The following NDST4 variants were observed in gnomAD, a reference collection of about 807,000 sequenced individuals.
The protein encoded by NDST4 is N-deacetylase and N-sulfotransferase 4.
Under a neutral mutation model 100.8 loss-of-function variants are expected in NDST4, and 63 were observed. The observed-to-expected ratio is 0.62, with a 90% CI of 0.51 to 0.77. NDST4 has a LOEUF of 0.77. NDST4 is among the 30% of genes least tolerant of loss of function. NDST4 has a pLI of 0.00. For synonymous variants in NDST4, 377 were observed against 361.8 expected (o/e 1.04, Z -0.48); for missense variants, 943 against 1,018.4 (o/e 0.93, Z 1.01).
At chr4:114,914,121 C>T (rs546536964) in intron 6 of NDST4, among the ~76,000 whole-genome samples, 8 of 151,758 alleles carry the variant, frequency 5.3e-5, no homozygotes, top group Non-Finnish European at 1.0e-4. Flanking sequence ...CTTGTGGGGC[C>T]TAAAAATCTA....
intron 1 of NDST4, among the ~76,000 whole-genome samples, chr4:115,107,125 C>G (rs1324263074): frequency 6.6e-6 from 1 of 151,930 alleles, no homozygotes; most frequent in Non-Finnish European, 1.5e-5. Context: ...TCCACTGCCT[C>G]CACCCTGGGT....
At chr4:115,033,157 ATTTT>A (rs1192796806) in intron 2 of NDST4, among the ~76,000 whole-genome samples, 10 of 59,948 alleles carry the variant, frequency 1.7e-4, no homozygotes, top group African/African-American at 5.8e-4. Flanking sequence ...ATATATATAT[ATTTT>A]TTTTTTTTTT....
intron 2 of NDST4, among the ~76,000 whole-genome samples, chr4:114,984,993 A>G (rs1044615914): frequency 1.3e-5 from 2 of 152,212 alleles, no homozygotes; most frequent in African/African-American, 4.8e-5. Context: ...TAATGTATAC[A>G]TTAACAAAAA....
chr4:115,093,215 C>T (rs1729552626), intron 1 of NDST4, among the ~76,000 whole-genome samples: 1 of 152,092 alleles, frequency 6.6e-6, no homozygotes, highest in Non-Finnish European at 1.5e-5. Flanking sequence ...GTGGCTCATG[C>T]CTGTAATCTC....
intron 6 of NDST4, among the ~76,000 whole-genome samples, chr4:114,905,484 A>T (rs1356609822): frequency 6.6e-6 from 1 of 151,942 alleles, no homozygotes; most frequent in South Asian, 2.1e-4. Context: ...AAAAAAATTT[A>T]GTTATAAAAA....
At chr4:114,898,824 G>A (rs904881657) in intron 6 of NDST4, among the ~76,000 whole-genome samples, 1 of 151,596 alleles carries the variant, frequency 6.6e-6, no homozygotes, top group African/African-American at 2.4e-5. Flanking sequence ...AATTCCATTT[G>A]TTTATTGCTG....
At chr4:115,024,023 G>A (rs886605366) in intron 2 of NDST4, among the ~76,000 whole-genome samples, 6 of 152,132 alleles carry the variant, frequency 3.9e-5, no homozygotes, top group African/African-American at 1.2e-4. Context: ...AGTTGGCAGT[G>A]ACCATATGGT....
At chr4:114,957,796 C>A (rs1361937816) in intron 4 of NDST4, among the ~76,000 whole-genome samples, 2 of 152,150 alleles carry the variant, frequency 1.3e-5, no homozygotes, top group African/African-American at 2.4e-5. Context: ...GGACTATGGG[C>A]CCATGAAAGT....
chr4:114,895,065 A>T (rs57662522), intron 6 of NDST4, among the ~76,000 whole-genome samples: 1 of 152,194 alleles, frequency 6.6e-6, no homozygotes, highest in Non-Finnish European at 1.5e-5. Flanking sequence ...CCCTAAATTC[A>T]CAGTTAAAAG....
intron 6 of NDST4, among the ~76,000 whole-genome samples, chr4:114,878,696 G>A (rs1169627790): frequency 2.0e-5 from 3 of 152,004 alleles, no homozygotes; most frequent in African/African-American, 7.2e-5. Context: ...TAGGTTTGTT[G>A]TGATGCCCAA....
chr4:114,995,165 A>G (rs764213847), intron 2 of NDST4, among the ~76,000 whole-genome samples: 2 of 152,066 alleles, frequency 1.3e-5, no homozygotes, highest in Non-Finnish European at 2.9e-5. Flanking sequence ...AAAGCTATGC[A>G]GTTATAAACA....
At chr4:115,100,020 G>A (rs1729698845) in intron 1 of NDST4, among the ~76,000 whole-genome samples, 1 of 152,026 alleles carries the variant, frequency 6.6e-6, no homozygotes, top group Non-Finnish European at 1.5e-5. Flanking sequence ...ATACATGGAT[G>A]AACATAAAAT....
intron 6 of NDST4, among the ~76,000 whole-genome samples, chr4:114,892,728 C>CTT (rs142864767): frequency 2.7e-5 from 4 of 145,500 alleles, no homozygotes; most frequent in African/African-American, 7.5e-5. Flanking sequence ...TCCTAATTTT[C>CTT]TTTTTTTTTT....
chr4:115,013,465 A>T (rs1169704912), intron 2 of NDST4, among the ~76,000 whole-genome samples: 7 of 150,976 alleles, frequency 4.6e-5, no homozygotes, highest in African/African-American at 1.7e-4. Flanking sequence ...CCCCATAAGG[A>T]TCTACAGTCT....
intron 2 of NDST4, among the ~76,000 whole-genome samples, chr4:114,989,886 A>C (rs1726998482): frequency 6.6e-6 from 1 of 152,212 alleles, no homozygotes; most frequent in South Asian, 2.1e-4. Context: ...TTTATGTATC[A>C]GATGAACACT....
intron 2 of NDST4, among the ~76,000 whole-genome samples, chr4:115,064,886 C>A (rs151206840): frequency 1.3e-5 from 2 of 151,566 alleles, no homozygotes; most frequent in African/African-American, 2.4e-5. Context: ...CCCAATGGGG[C>A]CAGAAAATCT....
At chr4:114,919,490 T>C (rs1270600091) in intron 6 of NDST4, among the ~76,000 whole-genome samples, 1 of 152,102 alleles carries the variant, frequency 6.6e-6, no homozygotes, top group Non-Finnish European at 1.5e-5. Flanking sequence ...AAGAAATTAA[T>C]GGTAGCACAA....
At chr4:115,074,414 G>T (rs1729138474) in intron 2 of NDST4, among the ~76,000 whole-genome samples, 1 of 151,942 alleles carries the variant, frequency 6.6e-6, no homozygotes, top group Non-Finnish European at 1.5e-5. Flanking sequence ...ACCACTCAAA[G>T]AACCTTTTGA....
At position 115,076,751 on chromosome 4, in the gene NDST4, T is replaced by A. The variant is rs766692542; in HGVS notation, c.286A>T (p.Ile96Leu). 1.9e-6 allele frequency: 3 copies of A among 1,613,986 alleles called. No homozygotes were observed. The East Asian group carries it at 6.7e-5, about 36-fold the overall frequency. ...AATCGGCTGGACTCCAAAATAGCTA[T>A]GATATCTTGACCGAGTTGAGAGTAT... ...SQYSQLGQDIIAILESSRFQY... is the reference protein window; with the variant it reads ...SQYSQLGQDILAILESSRFQY... The change falls in exon 2 of 14, where the codon ATA becomes TTA. Residue 96 changes from isoleucine (I) to leucine (L), a missense_variant. By Grantham distance (5) the Ile-to-Leu change is conservative. This residue lies in a region of NDST4 where 417 missense variants were observed against 384.2 expected (regional missense o/e 1.09). Coordinates refer to ENST00000264363, the MANE Select transcript of NDST4 (RefSeq NM_022569.3).
Sources: allele counts gnomAD v4.1 joint callset (sites outside exome capture counted in the v4.1 genomes callset), GRCh38; gene constraint gnomAD v4.1.1; regional missense constraint gnomAD v4.1.1; transcripts MANE v1.5; gene names NCBI Gene and HGNC (gene_info 2026-07-23, HGNC 2026-07-21).